The following C12orf54 variants were observed in gnomAD, a reference collection of about 807,000 sequenced individuals.
The protein encoded by C12orf54 is chromosome 12 open reading frame 54.
C12orf54 carries 24 observed loss-of-function variants against 26.4 expected under a neutral mutation model. The observed-to-expected ratio is 0.91, with a 90% CI of 0.66 to 1.28. The LOEUF (loss-of-function observed/expected upper bound fraction) is 1.28. C12orf54 is among the 50% of genes most tolerant of loss of function. The pLI, the probability that C12orf54 is intolerant of heterozygous loss-of-function variation, is 0.00. For synonymous variants in C12orf54, 54 were observed against 47.0 expected, an observed-to-expected ratio of 1.15 and a Z score of -0.61; for missense variants, 154 against 150.9, an observed-to-expected ratio of 1.02 and a Z score of -0.11.
At chr12:48,449,374 A>G in the C12orf54 span, among the ~76,000 whole-genome samples, 1 of 152,174 alleles carries the variant, frequency 6.6e-6, no homozygotes, top group Non-Finnish European at 1.5e-5. Context: ...TTGAGGTAAA[A>G]TACTTTCGTT....
the C12orf54 span, among the ~76,000 whole-genome samples, chr12:48,421,046 C>T: frequency 3.3e-5 from 5 of 152,188 alleles, no homozygotes; most frequent in Non-Finnish European, 7.3e-5. Context: ...CTCTCCTCTC[C>T]ACAGGCACCT....
chr12:48,435,340 G>A, the C12orf54 span, among the ~76,000 whole-genome samples: 1 of 152,196 alleles, frequency 6.6e-6, no homozygotes, highest in Non-Finnish European at 1.5e-5. Context: ...ACACTCTGCA[G>A]GATATTAGCC....
the C12orf54 span, among the ~76,000 whole-genome samples, chr12:48,456,461 G>A: frequency 4.4e-4 from 67 of 152,240 alleles, no homozygotes; most frequent in African/African-American, 1.4e-3. Flanking sequence ...AAGTCTTCCC[G>A]GCAGAGGAAC....
chr12:48,419,655 G>T, the C12orf54 span, among the ~76,000 whole-genome samples: 2 of 152,132 alleles, frequency 1.3e-5, no homozygotes, highest in African/African-American at 4.8e-5. Context: ...GACAAAGAAA[G>T]CACACAGCAA....
upstream of C12orf54, among the ~76,000 whole-genome samples, chr12:48,478,899 C>T (rs1416431697): frequency 6.6e-6 from 1 of 152,164 alleles, no homozygotes; most frequent in African/African-American, 2.4e-5. Flanking sequence ...GAAACAGGAA[C>T]ACTTTTACAC....
chr12:48,446,882 T>G, the C12orf54 span, among the ~76,000 whole-genome samples: 3 of 152,144 alleles, frequency 2.0e-5, no homozygotes, highest in Non-Finnish European at 4.4e-5. Context: ...AGTGGATACA[T>G]TTGACACAAA....
chr12:48,488,315 A>T, intron 4 of C12orf54: 5 of 539,408 alleles, frequency 9.3e-6, no homozygotes, highest in South Asian at 8.6e-5. Flanking sequence ...AAGCCAACAG[A>T]GATACCTACA....
intron 5 of C12orf54, chr12:48,489,351 T>C: frequency 3.0e-6 from 1 of 330,198 alleles, no homozygotes; most frequent in African/African-American, 2.1e-5. Context: ...GCTAACCATC[T>C]TGGGTAAATA....
the C12orf54 span, among the ~76,000 whole-genome samples, chr12:48,423,297 A>C: frequency 6.6e-6 from 1 of 152,146 alleles, no homozygotes; most frequent in African/African-American, 2.4e-5. Flanking sequence ...TGAATGACAC[A>C]AATTCCACAA....
chr12:48,451,124 G>A, the C12orf54 span, among the ~76,000 whole-genome samples: 2 of 152,122 alleles, frequency 1.3e-5, no homozygotes, highest in African/African-American at 4.8e-5. Context: ...ACATCAAAAA[G>A]TTTATCTGCC....
the C12orf54 span, among the ~76,000 whole-genome samples, chr12:48,461,552 G>A: frequency 4.0e-5 from 6 of 151,564 alleles, no homozygotes. Context: ...TGATTATTAA[G>A]CAATTAAATT....
chr12:48,417,749 A>G, the C12orf54 span, among the ~76,000 whole-genome samples: 1 of 152,086 alleles, frequency 6.6e-6, no homozygotes, highest in Non-Finnish European at 1.5e-5. Flanking sequence ...CTCTCCCTCT[A>G]GTAGTCCCCA....
the C12orf54 span, among the ~76,000 whole-genome samples, chr12:48,446,122 G>T: frequency 6.6e-6 from 1 of 152,206 alleles, no homozygotes; most frequent in African/African-American, 2.4e-5. Flanking sequence ...CTGTTTTTCT[G>T]AGTTGGTGGG....
chr12:48,429,848 C>T, the C12orf54 span, among the ~76,000 whole-genome samples: 1 of 152,036 alleles, frequency 6.6e-6, no homozygotes, highest in Non-Finnish European at 1.5e-5. Flanking sequence ...AAAGAGCCTA[C>T]ATAGCCAAAG....
chr12:48,484,287 G>C (rs1365978017), intron 2 of C12orf54, among the ~76,000 whole-genome samples: 3 of 152,244 alleles, frequency 2.0e-5, no homozygotes, highest in Non-Finnish European at 4.4e-5. Flanking sequence ...CCTCAAGCCT[G>C]AGACCCAGTG....
At chr12:48,437,852 A>T in the C12orf54 span, among the ~76,000 whole-genome samples, 4 of 152,280 alleles carry the variant, frequency 2.6e-5, no homozygotes, top group Admixed American at 2.6e-4. Flanking sequence ...CAAGACAGGG[A>T]TGCCCTCTCT....
chr12:48,420,076 A>G, the C12orf54 span, among the ~76,000 whole-genome samples: 1 of 147,848 alleles, frequency 6.8e-6, no homozygotes, highest in Admixed American at 6.7e-5. Context: ...ACGATTCCAC[A>G]GTTGGTTTTT....
chr12:48,488,174 G>C (rs542694278), intron 4 of C12orf54: 3 of 736,440 alleles, frequency 4.1e-6, no homozygotes, highest in East Asian at 2.5e-5. Flanking sequence ...AGGGTATCCA[G>C]TATCTCCATG....
the C12orf54 span, among the ~76,000 whole-genome samples, chr12:48,421,372 AG>A: frequency 2.0e-5 from 3 of 152,030 alleles, no homozygotes; most frequent in African/African-American, 7.2e-5. Flanking sequence ...AACTCCAAAG[AG>A]GGTGGTGTTA....
Sources: allele counts gnomAD v4.1 joint callset (sites outside exome capture counted in the v4.1 genomes callset), GRCh38; gene constraint gnomAD v4.1.1; transcripts MANE v1.5; gene names NCBI Gene and HGNC (gene_info 2026-07-23, HGNC 2026-07-21).